Variants in TGFBR2 observed in about 807,000 individuals in gnomAD.
The protein encoded by TGFBR2 is TGF-beta receptor type-2.
In TGFBR2, 18 loss-of-function variants were observed where a neutral mutation model predicts 49.0. The ratio of observed to expected loss-of-function variants is 0.37; its 90% CI spans 0.25 to 0.54. The LOEUF (loss-of-function observed/expected upper bound fraction) is 0.54. Ranked by LOEUF, TGFBR2 falls within the 20% of genes least tolerant of loss-of-function variation. The pLI is 0.85. For synonymous variants in TGFBR2, 282 were observed against 275.9 expected (o/e 1.02, Z -0.22); for missense variants, 525 against 722.6 (o/e 0.73, Z 3.13).
At chr3:30,677,062 ACT>A (rs1699452625) in intron 5 of TGFBR2, among the ~76,000 whole-genome samples, 1 of 151,670 alleles carries the variant, frequency 6.6e-6, no homozygotes, top group Non-Finnish European at 1.5e-5. Context: ...TATCCTTTCA[ACT>A]CTGTTATTCT....
Position 30,623,270 on chromosome 3 carries a change from C to A in TGFBR2, c.94+16293C>A, listed in dbSNP as rs138262219. 29 of 1,613,806 alleles carry A rather than the reference C, an allele frequency of 1.8e-5. No homozygotes were observed. The highest frequency in any genetic ancestry group is 3.4e-6 in the Non-Finnish European group (4 of 1,179,866). ...TAATAGGACTGCCCATCCACTGAGA[C>A]ATAGTAAAGTATCATTAATTAATCT... On this transcript the variant is annotated intron_variant, in intron 1 of 6. Coordinates refer to ENST00000295754, the MANE Select transcript of TGFBR2 (RefSeq NM_003242.6).
chr3:30,680,136 A>AC (rs1699515641), intron 5 of TGFBR2, among the ~76,000 whole-genome samples: 1 of 121,916 alleles, frequency 8.2e-6, no homozygotes, highest in African/African-American at 3.2e-5. Context: ...CCCGCCCCCC[A>AC]AAAAAAATAG....
chr3:30,648,410 A>G (rs188817462), intron 2 of TGFBR2, among the ~76,000 whole-genome samples: 69 of 142,778 alleles, frequency 4.8e-4, no homozygotes, highest in African/African-American at 1.8e-3. Flanking sequence ...ACCCAAACCA[A>G]AAACAACCTA....
chr3:30,650,220 C>G (rs2125409627), intron 2 of TGFBR2, 50 bp from the exon 3 acceptor site: 2 of 1,574,568 alleles, frequency 1.3e-6, no homozygotes, highest in Non-Finnish European at 1.7e-6. Flanking sequence ...CATTTATTCT[C>G]TTTCTCTCTC....
At chr3:30,652,123 G>T (rs1381648053) in intron 3 of TGFBR2, among the ~76,000 whole-genome samples, 2 of 152,066 alleles carry the variant, frequency 1.3e-5, no homozygotes, top group Non-Finnish European at 2.9e-5. Context: ...GTGAACTGAA[G>T]GCAGGCATGC....
intron 5 of TGFBR2, among the ~76,000 whole-genome samples, chr3:30,681,218 G>A (rs560435626): frequency 1.8e-4 from 27 of 152,066 alleles, no homozygotes; most frequent in East Asian, 1.7e-3. Context: ...AGGGGCTGGG[G>A]GAAGAAAGAG....
intron 5 of TGFBR2, 97 bp downstream of exon 5, chr3:30,674,343 T>C (rs1242438811): frequency 3.4e-6 from 5 of 1,484,628 alleles, no homozygotes; most frequent in Non-Finnish European, 3.7e-6. Flanking sequence ...ACAAAGCAGT[T>C]ATTAGAGCTA....
At chr3:30,683,073 T>C (rs1386096319) in intron 5 of TGFBR2, among the ~76,000 whole-genome samples, 1 of 152,218 alleles carries the variant, frequency 6.6e-6, no homozygotes, top group East Asian at 1.9e-4. Flanking sequence ...TGGAATCCAG[T>C]GTACTATTTG....
rs181664301 is a variant in TGFBR2 at position 30,612,537 on chromosome 3, T to G, written c.94+5560T>G. Among the ~76,000 whole-genome samples, 129 of 152,304 alleles carry G rather than the reference T, an allele frequency of 8.5e-4. 1 individual carries two copies. The highest frequency in any genetic ancestry group is 3.4e-3 in the Middle Eastern group (1 of 294). On this transcript the variant is annotated intron_variant, in intron 1 of 6. Transcript: ENST00000295754. ...ATTATCTGCCTCCTTCCTGACTACA[T>G]TTGTACCACAGAAAATCAAGATAAG...
At chr3:30,670,986 A>G (rs1699326752) in intron 3 of TGFBR2, among the ~76,000 whole-genome samples, 2 of 152,220 alleles carry the variant, frequency 1.3e-5, no homozygotes, top group Admixed American at 6.5e-5. Flanking sequence ...AACAAGTTGG[A>G]GTTTGAAAAA....
chr3:30,619,421 T>A (rs1698188729), intron 1 of TGFBR2, among the ~76,000 whole-genome samples: 1 of 152,194 alleles, frequency 6.6e-6, no homozygotes, highest in Non-Finnish European at 1.5e-5. Context: ...ATTTTATGAA[T>A]CCTAGATCAT....
rs1575133975 is a variant in TGFBR2, at chr3:30,623,419, T to C, written c.94+16442T>C. 4 of 1,054,832 alleles carry C rather than the reference T, an allele frequency of 3.8e-6. No individual in the cohort carries two copies. The Admixed American group carries it at 6.3e-5, about 17-fold the overall frequency. The allele number at this position is 1,054,832 out of a possible 1,614,324, so 65.3% of individuals were successfully genotyped here. On this transcript the variant is annotated intron_variant, in intron 1 of 6. Transcript: ENST00000295754. ...CATAGCTAAATTGTTAAAGAGGCGATGGCAGTGTACTCATCAGGAGACTTG... is the reference window on the plus strand; with the variant it reads ...CATAGCTAAATTGTTAAAGAGGCGACGGCAGTGTACTCATCAGGAGACTTG...
chr3:30,617,988 A>G (rs1216728189), intron 1 of TGFBR2, among the ~76,000 whole-genome samples: 1 of 152,214 alleles, frequency 6.6e-6, no homozygotes, highest in East Asian at 1.9e-4. Context: ...TTCTGTCAAT[A>G]AAGAAGAGGA....
chr3:30,656,827 C>T (rs1699010427), intron 3 of TGFBR2, among the ~76,000 whole-genome samples: 1 of 152,038 alleles, frequency 6.6e-6, no homozygotes, highest in South Asian at 2.1e-4. Context: ...AGGGTCCCAC[C>T]CCTTTTCCAA....
At chr3:30,662,322 G>C (rs1020941054) in intron 3 of TGFBR2, among the ~76,000 whole-genome samples, 3 of 152,000 alleles carry the variant, frequency 2.0e-5, no homozygotes, top group Non-Finnish European at 4.4e-5. Flanking sequence ...ACCTCTCATG[G>C]GTATTCTAGA....
intron 1 of TGFBR2, among the ~76,000 whole-genome samples, chr3:30,621,102 C>T (rs941986765): frequency 1.3e-5 from 2 of 152,076 alleles, no homozygotes; most frequent in Non-Finnish European, 2.9e-5. Context: ...CTTGTGCAAG[C>T]ACAGCTTCCA....
chr3:30,667,617 C>G (rs1699267368), intron 3 of TGFBR2, among the ~76,000 whole-genome samples: 1 of 152,094 alleles, frequency 6.6e-6, no homozygotes, highest in Non-Finnish European at 1.5e-5. Context: ...TCAGTCAGTG[C>G]CACACATAAA....
rs1697986962 is a variant in TGFBR2 at position 30,609,061 on chromosome 3, T to G, written c.94+2084T>G. Among the ~76,000 whole-genome samples the G allele has an allele frequency of 2.0e-5, 3 of 152,354 alleles. No homozygotes were observed. The South Asian group carries it at 6.2e-4, about 32-fold the overall frequency. Reference sequence around the variant, plus strand: ...TTCATTTCATCAATATACACACTTTTAAACAATTAGCTTAAAAACGTGGTG... The same window carrying G: ...TTCATTTCATCAATATACACACTTTGAAACAATTAGCTTAAAAACGTGGTG... On this transcript the variant is annotated intron_variant, in intron 1 of 6. Transcript: ENST00000295754.
intron 1 of TGFBR2, among the ~76,000 whole-genome samples, chr3:30,610,037 T>C (rs1698000643): frequency 6.6e-6 from 1 of 152,204 alleles, no homozygotes; most frequent in South Asian, 2.1e-4. Context: ...TTCAGTAAGG[T>C]TAGTTTTTAA....
Sources: gnomAD v4.1 joint callset for allele counts (sites outside exome capture counted in the v4.1 genomes callset) on GRCh38, gnomAD v4.1.1 for gene constraint, MANE v1.5 for transcripts, NCBI Gene and HGNC (gene_info 2026-07-23, HGNC 2026-07-21) for gene names.